PTN: variants seen among roughly 807,000 people sequenced by gnomAD.
PTN encodes pleiotrophin, also known as heparin affin regulatory protein.
A neutral mutation model predicts 24.1 loss-of-function variants in PTN; 18 were observed. The observed-to-expected ratio is 0.75, with a 90% CI of 0.52 to 1.11. The LOEUF (loss-of-function observed/expected upper bound fraction) is 1.11, where lower values mean the gene tolerates loss of function less well. Ranked by LOEUF, PTN falls within the 50% of genes least tolerant of loss-of-function variation. The probability of loss-of-function intolerance (pLI) is 0.00; values close to 1 mark genes in which losing one functional copy is unlikely to be tolerated. For synonymous variants in PTN, 78 were observed against 68.6 expected (o/e 1.14, Z -0.67); for missense variants, 163 against 198.8 (o/e 0.82, Z 1.08).
intron 1 of PTN, among the ~76,000 whole-genome samples, chr7:137,278,256 G>C (rs1181466995): frequency 7.6e-6 from 1 of 131,734 alleles, no homozygotes; most frequent in Non-Finnish European, 1.6e-5. Flanking sequence ...GCAGTGAGCC[G>C]AGATCGCGCC....
chr7:137,295,839 A>G (rs1238263686), intron 1 of PTN, among the ~76,000 whole-genome samples: 1 of 152,030 alleles, frequency 6.6e-6, no homozygotes, highest in Non-Finnish European at 1.5e-5. Context: ...CCCTCCAGAA[A>G]GCTCTGGAGC....
At chr7:137,276,830 G>C (rs1013873694) in intron 1 of PTN, among the ~76,000 whole-genome samples, 1 of 151,926 alleles carries the variant, frequency 6.6e-6, no homozygotes, top group Non-Finnish European at 1.5e-5. Flanking sequence ...TATTTACTCA[G>C]TAAAGTTTGA....
intron 1 of PTN, among the ~76,000 whole-genome samples, chr7:137,288,106 T>G (rs1047164465): frequency 7.9e-5 from 12 of 152,180 alleles, no homozygotes; most frequent in Non-Finnish European, 1.6e-4. Flanking sequence ...AAGTTGAATC[T>G]TTCAAAGCAG....
chr7:137,280,043 G>C (rs113861481), intron 1 of PTN, among the ~76,000 whole-genome samples: 5 of 152,264 alleles, frequency 3.3e-5, no homozygotes, highest in African/African-American at 1.2e-4. Flanking sequence ...TCAATCCAGA[G>C]ATAAATTGTC....
intron 1 of PTN, chr7:137,324,924 G>T (rs148544393): frequency 6.6e-6 from 1 of 152,196 alleles, no homozygotes; most frequent in East Asian, 1.9e-4. Flanking sequence ...CCAAAACAGA[G>T]TATGAATTGT....
At chr7:137,311,835 A>T (rs1809987760) in intron 1 of PTN, among the ~76,000 whole-genome samples, 1 of 147,090 alleles carries the variant, frequency 6.8e-6, no homozygotes, top group Non-Finnish European at 1.5e-5. Flanking sequence ...GGTAATAAAA[A>T]TTTTGAAATA....
intron 1 of PTN, among the ~76,000 whole-genome samples, chr7:137,327,680 C>A (rs1173563671): frequency 6.6e-6 from 1 of 152,166 alleles, no homozygotes; most frequent in Non-Finnish European, 1.5e-5. Context: ...CCACCCTTTT[C>A]CACTCCAGAC....
chr7:137,326,778 C>T (rs1437683599), intron 1 of PTN: 1 of 152,204 alleles, frequency 6.6e-6, no homozygotes, highest in Admixed American at 6.5e-5. Flanking sequence ...ATATCTAGTT[C>T]ATTGCACTGA....
chr7:137,260,439 T>C (rs930858140), intron 1 of PTN, among the ~76,000 whole-genome samples: 2 of 152,114 alleles, frequency 1.3e-5, no homozygotes, highest in Admixed American at 1.3e-4. Context: ...CAAAAGTAAC[T>C]CATATAGTAA....
intron 1 of PTN, among the ~76,000 whole-genome samples, chr7:137,293,091 A>G (rs528345863): frequency 7.2e-5 from 11 of 152,240 alleles, no homozygotes; most frequent in Middle Eastern, 3.4e-3. Context: ...TTGCATTCTT[A>G]TCAAAATGTA....
At chr7:137,246,461 G>A (rs759839193) in intron 4 of PTN, among the ~76,000 whole-genome samples, 29 of 152,174 alleles carry the variant, frequency 1.9e-4, no homozygotes, top group Non-Finnish European at 4.0e-4. Flanking sequence ...AGTGACACAT[G>A]ACTGTAATTA....
chr7:137,308,737 C>T (rs1275451652), intron 1 of PTN, among the ~76,000 whole-genome samples: 1 of 152,152 alleles, frequency 6.6e-6, no homozygotes, highest in East Asian at 1.9e-4. Context: ...CCACAGCACA[C>T]TGGCTCTCAG....
intron 1 of PTN, among the ~76,000 whole-genome samples, chr7:137,339,588 G>A (rs1415476993): frequency 1.0e-5 from 1 of 95,862 alleles, no homozygotes; most frequent in African/African-American, 3.3e-5. Context: ...AAAAAAAATG[G>A]GGGAAAAATG....
chr7:137,256,137 T>C (rs1413878752), intron 1 of PTN, among the ~76,000 whole-genome samples: 1 of 152,234 alleles, frequency 6.6e-6, no homozygotes, highest in Non-Finnish European at 1.5e-5. Context: ...TGAATTTTTC[T>C]CCTTTTCTGT....
chr7:137,323,182 G>A (rs1203589028), intron 1 of PTN, among the ~76,000 whole-genome samples: 3 of 152,170 alleles, frequency 2.0e-5, no homozygotes, highest in African/African-American at 4.8e-5. Context: ...GACAACAAAA[G>A]TACATGGTTT....
At chr7:137,279,525 A>C (rs1479917548) in intron 1 of PTN, among the ~76,000 whole-genome samples, 2 of 152,210 alleles carry the variant, frequency 1.3e-5, no homozygotes, top group Admixed American at 6.5e-5. Context: ...ATTAAGTTAG[A>C]AGAGGAAGGA....
chr7:137,267,193 C>T (rs11764598), intron 1 of PTN, among the ~76,000 whole-genome samples: 15,274 of 151,930 alleles, frequency 0.1, 983 homozygotes, highest in South Asian at 0.22. Flanking sequence ...TCTGACTTTC[C>T]TTTTGCCTTT....
At chr7:137,271,244 A>G (rs766001500) in intron 1 of PTN, among the ~76,000 whole-genome samples, 16 of 152,340 alleles carry the variant, frequency 1.1e-4, no homozygotes, top group South Asian at 6.2e-4. Flanking sequence ...AAATCAAGAA[A>G]TGTTTACATT....
chr7:137,261,667 A>G (rs902709132), intron 1 of PTN, among the ~76,000 whole-genome samples: 1 of 152,228 alleles, frequency 6.6e-6, no homozygotes, highest in Non-Finnish European at 1.5e-5. Context: ...GGGAGCATTC[A>G]GAACGAAGAC....
Sources: allele counts gnomAD v4.1 joint callset (sites outside exome capture counted in the v4.1 genomes callset), GRCh38; gene constraint gnomAD v4.1.1; transcripts MANE v1.5; gene names NCBI Gene and HGNC (gene_info 2026-07-23, HGNC 2026-07-21).